AFG2A: variants seen among roughly 807,000 people sequenced by gnomAD.
AFG2A encodes the protein AAA ATPase AFG2A, also known as ATPase family gene 2 protein homolog A.
At chr4:123,037,701 T>C in the AFG2A span, among the ~76,000 whole-genome samples, 1 of 152,108 alleles carries the variant, frequency 6.6e-6, no homozygotes, top group Non-Finnish European at 1.5e-5. Flanking sequence ...CCACTCGATC[T>C]GCTCACCAGA....
the AFG2A span, among the ~76,000 whole-genome samples, chr4:123,043,802 A>C: frequency 6.6e-6 from 1 of 152,218 alleles, no homozygotes; most frequent in Non-Finnish European, 1.5e-5. Flanking sequence ...AATAAGCATA[A>C]ACTTTGTGGT....
the AFG2A span, among the ~76,000 whole-genome samples, chr4:122,926,265 T>C: frequency 6.6e-6 from 1 of 152,112 alleles, no homozygotes; most frequent in African/African-American, 2.4e-5. Context: ...GTGTGGTAAT[T>C]GTCAAGAGGG....
chr4:123,237,522 A>T, the AFG2A span, among the ~76,000 whole-genome samples: 1 of 152,004 alleles, frequency 6.6e-6, no homozygotes, highest in East Asian at 1.9e-4. Flanking sequence ...AAAGTACAAA[A>T]ATTAGCCAGG....
At chr4:123,222,010 T>C in the AFG2A span, among the ~76,000 whole-genome samples, 6 of 152,198 alleles carry the variant, frequency 3.9e-5, no homozygotes, top group African/African-American at 1.4e-4. Context: ...ATGTTTTTCA[T>C]TGTCCGTTTA....
the AFG2A span, among the ~76,000 whole-genome samples, chr4:123,247,231 G>GTGTGTGTA: frequency 2.0e-5 from 3 of 151,860 alleles, no homozygotes; most frequent in Non-Finnish European, 4.4e-5. Context: ...GTGCGTGTGT[G>GTGTGTGTA]TGTGTGTGTG....
At chr4:123,280,977 T>G in the AFG2A span, among the ~76,000 whole-genome samples, 1 of 152,152 alleles carries the variant, frequency 6.6e-6, no homozygotes, top group South Asian at 2.1e-4. Context: ...TACCATAAAT[T>G]TTCAGATATT....
chr4:122,973,166 T>G, the AFG2A span, among the ~76,000 whole-genome samples: 1 of 152,190 alleles, frequency 6.6e-6, no homozygotes, highest in African/African-American at 2.4e-5. Flanking sequence ...TGGTGATGCC[T>G]CTTACTTAAT....
chr4:123,178,748 A>G, the AFG2A span, among the ~76,000 whole-genome samples: 1 of 152,228 alleles, frequency 6.6e-6, no homozygotes, highest in Non-Finnish European at 1.5e-5. Context: ...CCTAAAAAAT[A>G]TATTAAGAAT....
At chr4:122,955,846 C>T in the AFG2A span, among the ~76,000 whole-genome samples, 1 of 152,218 alleles carries the variant, frequency 6.6e-6, no homozygotes, top group East Asian at 1.9e-4. Flanking sequence ...GGGTCTCACT[C>T]TGTCTAGTTT....
At chr4:123,216,564 C>T in the AFG2A span, among the ~76,000 whole-genome samples, 47 of 151,886 alleles carry the variant, frequency 3.1e-4, no homozygotes, top group Non-Finnish European at 1.5e-4. Context: ...GATTACAAAA[C>T]TATAAATAAC....
chr4:122,977,785 G>T, the AFG2A span, among the ~76,000 whole-genome samples: 1 of 152,240 alleles, frequency 6.6e-6, no homozygotes, highest in Admixed American at 6.5e-5. Flanking sequence ...TTGAGCAAGA[G>T]AACAGCTCTC....
At chr4:123,081,807 G>A in the AFG2A span, among the ~76,000 whole-genome samples, 1 of 152,242 alleles carries the variant, frequency 6.6e-6, no homozygotes, top group South Asian at 2.1e-4. Context: ...TCAGCCTTTG[G>A]TGTTGGCAAC....
the AFG2A span, among the ~76,000 whole-genome samples, chr4:122,944,005 G>A: frequency 9.6e-3 from 1,464 of 152,188 alleles, 32 homozygotes; most frequent in African/African-American, 0.032. Flanking sequence ...CGAGAGATCC[G>A]CTGTTAGTCT....
the AFG2A span, among the ~76,000 whole-genome samples, chr4:123,150,427 T>C: frequency 6.6e-6 from 1 of 152,142 alleles, no homozygotes; most frequent in Admixed American, 6.6e-5. Flanking sequence ...TTCAGCAAAG[T>C]CCCAGGATAC....
At chr4:122,995,715 A>G in the AFG2A span, among the ~76,000 whole-genome samples, 1 of 152,190 alleles carries the variant, frequency 6.6e-6, no homozygotes, top group Non-Finnish European at 1.5e-5. Flanking sequence ...TTAATTTGCA[A>G]TTTCTGATGG....
the AFG2A span, among the ~76,000 whole-genome samples, chr4:123,077,108 C>A: frequency 6.9e-5 from 10 of 145,402 alleles, no homozygotes; most frequent in African/African-American, 1.8e-4. Flanking sequence ...AGTGCAGTGG[C>A]GCGATCTCAG....
chr4:123,189,809 CTTTTTTTTTT>C, the AFG2A span, among the ~76,000 whole-genome samples: 7 of 61,770 alleles, frequency 1.1e-4, no homozygotes, highest in East Asian at 5.4e-4. Context: ...AGGTCATTTG[CTTTTTTTTTT>C]TTTTTTTTTT....
At chr4:123,138,753 A>G in the AFG2A span, among the ~76,000 whole-genome samples, 2 of 152,188 alleles carry the variant, frequency 1.3e-5, no homozygotes, top group Non-Finnish European at 2.9e-5. Context: ...TTTGGTATTT[A>G]TAGGTCTTCA....
chr4:123,113,492 T>C, the AFG2A span, among the ~76,000 whole-genome samples: 15 of 151,494 alleles, frequency 9.9e-5, no homozygotes, highest in African/African-American at 3.7e-4. Context: ...TCATATCCAG[T>C]TAATATTAAA....
Sources: gnomAD v4.1 joint callset for allele counts (sites outside exome capture counted in the v4.1 genomes callset) on GRCh38, gnomAD v4.1.1 for gene constraint, MANE v1.5 for transcripts, NCBI Gene and HGNC (gene_info 2026-07-23, HGNC 2026-07-21) for gene names.